The following AGBL4 variants were observed in gnomAD, a reference collection of about 807,000 sequenced individuals.
AGBL4 encodes the protein cytosolic carboxypeptidase 6.
Under a neutral mutation model 66.4 loss-of-function variants are expected in AGBL4, and 58 were observed. The observed-to-expected ratio is 0.87, with a 90% CI of 0.71 to 1.09. The LOEUF (loss-of-function observed/expected upper bound fraction) is 1.09, where lower values mean the gene tolerates loss of function less well. Ranked by LOEUF, AGBL4 falls within the 50% of genes least tolerant of loss-of-function variation. AGBL4 has a pLI of 0.00. For missense variants in AGBL4, 579 were observed against 631.0 expected, an observed-to-expected ratio of 0.92 and a Z score of 0.88; for synonymous variants, 234 against 222.9, an observed-to-expected ratio of 1.05 and a Z score of -0.44.
intron 1 of AGBL4, among the ~76,000 whole-genome samples, chr1:49,919,085 C>T (rs1417164801): frequency 6.6e-6 from 1 of 152,178 alleles, no homozygotes; most frequent in Non-Finnish European, 1.5e-5. Flanking sequence ...GGACATATCT[C>T]AAAATAATAA....
intron 6 of AGBL4, among the ~76,000 whole-genome samples, chr1:48,834,374 A>G (rs1351005782): frequency 6.6e-6 from 1 of 152,080 alleles, no homozygotes; most frequent in Non-Finnish European, 1.5e-5. Context: ...AACGATGTGA[A>G]TATTGGGGGG....
At chr1:49,271,941 T>C (rs1644069670) in intron 3 of AGBL4, among the ~76,000 whole-genome samples, 1 of 152,152 alleles carries the variant, frequency 6.6e-6, no homozygotes, top group African/African-American at 2.4e-5. Flanking sequence ...AAAAGTTACT[T>C]CATGCTGTGA....
rs1271736619 is a variant in AGBL4 at position 49,227,879 on chromosome 1, G to C, written c.377+17891C>G. ...ATTATGCTGGTGACAGGAGCTTGGA[G>C]TTCCTGTTCAAGAGTCTCCTGTCTT... On this transcript the variant is annotated intron_variant, in intron 4 of 13. Transcript: ENST00000371839. Among the ~76,000 whole-genome samples the C allele has an allele frequency of 2.6e-5, 4 of 152,078 alleles. No individual in the cohort carries two copies. In the South Asian group the frequency reaches 8.3e-4, roughly 32 times the overall value.
chr1:49,067,825 T>C (rs1644518803), intron 4 of AGBL4, among the ~76,000 whole-genome samples: 1 of 152,216 alleles, frequency 6.6e-6, no homozygotes, highest in South Asian at 2.1e-4. Flanking sequence ...GTTACATAGG[T>C]ATACATGTGC....
chr1:49,624,932 A>AT (rs530378968), intron 3 of AGBL4, among the ~76,000 whole-genome samples: 88 of 152,066 alleles, frequency 5.8e-4, no homozygotes, highest in Middle Eastern at 6.8e-3. Flanking sequence ...CAGAGATGAG[A>AT]TTTTTTTTCC....
chr1:49,573,441 A>T (rs1171509619), intron 3 of AGBL4, among the ~76,000 whole-genome samples: 1 of 152,098 alleles, frequency 6.6e-6, no homozygotes, highest in Non-Finnish European at 1.5e-5. Context: ...CTCCTAATTC[A>T]CCATTTGTGA....
intron 6 of AGBL4, among the ~76,000 whole-genome samples, chr1:48,703,808 A>G (rs1646839916): frequency 6.6e-6 from 1 of 152,250 alleles, no homozygotes; most frequent in Non-Finnish European, 1.5e-5. Context: ...GAAAAATAAA[A>G]ACATATAAAA....
At chr1:48,782,441 C>A (rs914130368) in intron 6 of AGBL4, among the ~76,000 whole-genome samples, 3 of 152,138 alleles carry the variant, frequency 2.0e-5, no homozygotes, top group Non-Finnish European at 4.4e-5. Context: ...ATGTAGTTTG[C>A]AAAACTATTT....
intron 5 of AGBL4, among the ~76,000 whole-genome samples, chr1:49,030,190 G>T (rs1664088716): frequency 6.6e-6 from 1 of 152,096 alleles, no homozygotes; most frequent in African/African-American, 2.4e-5. Flanking sequence ...GATGCTATTA[G>T]GAGGTGGGGC....
chr1:49,236,992 G>A lies in AGBL4; in HGVS notation c.377+8778C>T, dbSNP rs151084545. On this transcript the variant is annotated intron_variant, in intron 4 of 13. Coordinates refer to ENST00000371839, the MANE Select transcript of AGBL4 (RefSeq NM_032785.4). ...TGGTTTTAAAAAATGGGAGTTTTTC[G>A]CACCTGTAATCCCAGCACTTTGGGA... Among the ~76,000 whole-genome samples, 301 of 151,608 alleles carry A rather than the reference G, an allele frequency of 2.0e-3. 3 individuals carry two copies. The highest frequency in any genetic ancestry group is 7.1e-3 in the African/African-American group (293 of 41,314).
chr1:48,727,847 C>A, intron 6 of AGBL4: 1 of 1,569,526 alleles, frequency 6.4e-7, no homozygotes, highest in Non-Finnish European at 8.7e-7. Context: ...TCACATGCCA[C>A]ACAAGGAAAA....
chr1:48,614,402 G>C (rs320025), intron 9 of AGBL4, among the ~76,000 whole-genome samples: 2 of 152,108 alleles, frequency 1.3e-5, no homozygotes, highest in Non-Finnish European at 2.9e-5. Context: ...CCAAGGGTCT[G>C]TGATTTGATT....
In AGBL4 at chr1:49,441,555, G is replaced by T. The variant is rs140604401; in HGVS notation, c.283-195691C>A. On this transcript the variant is annotated intron_variant, in intron 3 of 13. Transcript: ENST00000371839. ...AGTAAATTTGGACCTACTCATCTCA[G>T]CTGGGAGGGTCCAGAAGATATACCC... Among the ~76,000 whole-genome samples the T allele has an allele frequency of 4.3e-3, 655 of 152,292 alleles. 4 individuals are homozygous for T. The highest frequency in any genetic ancestry group is 0.014 in the Admixed American group (210 of 15,298).
intron 3 of AGBL4, among the ~76,000 whole-genome samples, chr1:49,627,399 A>G (rs1049925060): frequency 2.0e-5 from 3 of 152,142 alleles, no homozygotes; most frequent in Non-Finnish European, 2.9e-5. Context: ...AATATGTCTC[A>G]GTAAAACATT....
intron 3 of AGBL4, among the ~76,000 whole-genome samples, chr1:49,683,094 A>G (rs944216009): frequency 6.6e-6 from 1 of 152,194 alleles, no homozygotes; most frequent in Non-Finnish European, 1.5e-5. Flanking sequence ...GTTCACCAGA[A>G]GCATAATTTA....
At chr1:48,751,578 G>T (rs1651736337) in intron 6 of AGBL4, among the ~76,000 whole-genome samples, 2 of 152,164 alleles carry the variant, frequency 1.3e-5, no homozygotes, top group Admixed American at 1.3e-4. Context: ...CCCAAAGCAG[G>T]TATTCCTAGA....
intron 5 of AGBL4, among the ~76,000 whole-genome samples, chr1:48,994,991 G>C (rs1447762999): frequency 6.6e-6 from 1 of 152,154 alleles, no homozygotes; most frequent in Non-Finnish European, 1.5e-5. Flanking sequence ...AACACAATTT[G>C]AGCCAAAAAA....
At chr1:49,738,024 A>G (rs1250540353) in intron 2 of AGBL4, among the ~76,000 whole-genome samples, 1 of 151,724 alleles carries the variant, frequency 6.6e-6, no homozygotes, top group Non-Finnish European at 1.5e-5. Flanking sequence ...CTGAGGTACC[A>G]GGTTCATTTC....
intron 5 of AGBL4, among the ~76,000 whole-genome samples, chr1:49,043,779 A>G (rs1644007317): frequency 6.6e-6 from 1 of 152,226 alleles, no homozygotes; most frequent in African/African-American, 2.4e-5. Flanking sequence ...TAGTGCACAC[A>G]GAATCTCAGA....
Sources: gnomAD v4.1 joint callset for allele counts (sites outside exome capture counted in the v4.1 genomes callset) on GRCh38, gnomAD v4.1.1 for gene constraint, MANE v1.5 for transcripts, NCBI Gene and HGNC (gene_info 2026-07-23, HGNC 2026-07-21) for gene names.